The following PCDHAC1 variants were observed in gnomAD, a reference collection of about 807,000 sequenced individuals.
PCDHAC1 encodes the protein protocadherin alpha-C1.
A neutral mutation model predicts 60.0 loss-of-function variants in PCDHAC1; 42 were observed. That is an observed-to-expected ratio of 0.70 (90% CI 0.55 to 0.90). The LOEUF (loss-of-function observed/expected upper bound fraction) is 0.90, where lower values mean the gene tolerates loss of function less well. PCDHAC1 is among the 40% of genes least tolerant of loss of function. The pLI is 0.00. For synonymous variants in PCDHAC1, 468 were observed against 499.3 expected, an observed-to-expected ratio of 0.94 and a Z score of 0.84; for missense variants, 1,160 against 1,222.3, an observed-to-expected ratio of 0.95 and a Z score of 0.76.
chr5:140,973,199 G>A (rs574187280), intron 1 of PCDHAC1, among the ~76,000 whole-genome samples: 3 of 152,296 alleles, frequency 2.0e-5, no homozygotes, highest in East Asian at 3.9e-4. Context: ...CACTATGTGT[G>A]CATATTCACC....
chr5:140,941,304 CTTTT>C (rs2093021953), intron 1 of PCDHAC1, among the ~76,000 whole-genome samples: 1 of 84,848 alleles, frequency 1.2e-5, no homozygotes, highest in African/African-American at 4.2e-5. Context: ...TTCTTTCTTT[CTTTT>C]TCTTCTTTCT....
chr5:140,981,232 T>G (rs768766953), intron 2 of PCDHAC1, among the ~76,000 whole-genome samples: 32 of 152,216 alleles, frequency 2.1e-4, no homozygotes, highest in Non-Finnish European at 4.3e-4. Context: ...GTAGTCTAAA[T>G]TTTATTTTAG....
In PCDHAC1 at chr5:140,927,220, A is replaced by T. The variant is rs1554204179; in HGVS notation, c.328A>T (p.Ile110Phe). 1 of 1,614,090 alleles carries T rather than the reference A, an allele frequency of 6.2e-7. No homozygotes were observed. The highest frequency in any genetic ancestry group is 1.7e-5 in the Admixed American group (1 of 60,020). ...VLEDPLELHK[I>F]RIHVLDTNDN... is the part of the protein sequence containing the mutation. ...CGAGGACCCGCTGGAGCTGCACAAG[A>T]TTCGGATTCACGTCCTGGACACCAA... is the stretch of plus-strand genomic sequence containing the variant. The change falls in exon 1 of 4, where the codon ATT (isoleucine) becomes TTT (phenylalanine). Residue 110 changes from isoleucine (I) to phenylalanine (F), a missense_variant. Physicochemically the swap from Ile to Phe is conservative, Grantham distance 21. Around this residue, in one of 3 missense-constraint regions of PCDHAC1, gnomAD observed 1,113 missense variants for 1,163.7 expected, o/e 0.96. Coordinates refer to ENST00000253807, the MANE Select transcript of PCDHAC1 (RefSeq NM_018898.5).
chr5:140,962,080 T>A (rs1226617177), intron 1 of PCDHAC1, among the ~76,000 whole-genome samples: 1 of 151,756 alleles, frequency 6.6e-6, no homozygotes, highest in Non-Finnish European at 1.5e-5. Context: ...AGAGACGGGG[T>A]TTCACCATGT....
chr5:140,946,611 A>AATATATAGATATATATATATAT (rs2093974557), intron 1 of PCDHAC1, among the ~76,000 whole-genome samples: 1 of 86,814 alleles, frequency 1.2e-5, no homozygotes, highest in Non-Finnish European at 2.1e-5. Context: ...GAAAATGTGA[A>AATATATAGATATATATATATAT]ATATATATAT....
intron 2 of PCDHAC1, among the ~76,000 whole-genome samples, chr5:140,981,266 A>C (rs1355658823): frequency 6.6e-6 from 1 of 152,166 alleles, no homozygotes; most frequent in Non-Finnish European, 1.5e-5. Context: ...AAGATAAGCA[A>C]ATGTCTAGTT....
chr5:140,967,633 T>G, intron 1 of PCDHAC1: 2 of 1,614,106 alleles, frequency 1.2e-6, no homozygotes, highest in Non-Finnish European at 1.7e-6. Flanking sequence ...AGGGCTCCAA[T>G]GGTGAGCTCA....
At chr5:140,946,237 A>C (rs540442862) in intron 1 of PCDHAC1, among the ~76,000 whole-genome samples, 8 of 152,268 alleles carry the variant, frequency 5.3e-5, no homozygotes, top group African/African-American at 1.9e-4. Context: ...AAAAATGCTC[A>C]ACATCATGAA....
In PCDHAC1 at chr5:140,926,830, G is replaced by T. The variant is rs2083580756; in HGVS notation, c.-63G>T. The T allele has an allele frequency of 1.3e-6, 2 of 1,503,958 alleles. No individual in the cohort carries two copies. The highest frequency in any genetic ancestry group is 1.8e-6 in the Non-Finnish European group (2 of 1,127,670). 93.2% of individuals were successfully genotyped at this position (1,503,958 alleles called of 1,614,324 possible). A position where few individuals can be genotyped will look rare whatever the true frequency, so the allele number is the denominator to read the frequency against. On this transcript the variant is annotated 5_prime_UTR_variant, in exon 1 of 4. Transcript: ENST00000253807. ...GCGGCTCGTGCTCTCCAGGAGTCCG[G>T]AGCATGGTCCTGGGTCACCGTTGGT...
intron 1 of PCDHAC1, among the ~76,000 whole-genome samples, chr5:140,971,488 A>AG (rs1338536132): frequency 1.3e-5 from 2 of 152,222 alleles, no homozygotes; most frequent in African/African-American, 4.8e-5. Flanking sequence ...ACATTGTTAC[A>AG]GTGTGGCAAG....
intron 1 of PCDHAC1, chr5:140,966,805 T>C (rs1554228690): frequency 6.5e-7 from 1 of 1,545,566 alleles, no homozygotes; most frequent in South Asian, 1.2e-5. Flanking sequence ...CGACAGAGCA[T>C]CCACGGCTCC....
rs189687890 is a variant in PCDHAC1 at position 140,972,728 on chromosome 5, A to G, written c.2434-6221A>G. ...TGCCAGGCTGGAGTGCAGTGGCGTA[A>G]TCCCGGCTCACTGCAACCTCCGCCT... On this transcript the variant is annotated intron_variant, in intron 1 of 3. Transcript: ENST00000253807. Among the ~76,000 whole-genome samples the G allele has an allele frequency of 6.0e-3, 882 of 147,958 alleles. 8 individuals carry two copies. Among genetic ancestry groups the G allele is most frequent in the African/African-American group, 0.021 (847 of 39,742 alleles).
chr5:140,989,681 A>C (rs1428237884), intron 3 of PCDHAC1, among the ~76,000 whole-genome samples: 1 of 152,250 alleles, frequency 6.6e-6, no homozygotes, highest in Non-Finnish European at 1.5e-5. Flanking sequence ...CAGATTTCAA[A>C]GGAACGTGAA....
At chr5:140,971,661 TAGAG>T (rs2096491377) in intron 1 of PCDHAC1, among the ~76,000 whole-genome samples, 1 of 152,064 alleles carries the variant, frequency 6.6e-6, no homozygotes, top group Non-Finnish European at 1.5e-5. Context: ...AGATGGGAAT[TAGAG>T]AGGAAGAGTA....
At chr5:140,982,273 A>G (rs1554243953) in intron 2 of PCDHAC1, 2 of 943,086 alleles carry the variant, frequency 2.1e-6, no homozygotes, top group Non-Finnish European at 3.0e-6. Context: ...CTGGAATAGT[A>G]TAGCAGGCAA....
At chr5:140,954,938 GT>G (rs2095112203) in intron 1 of PCDHAC1, among the ~76,000 whole-genome samples, 1 of 152,078 alleles carries the variant, frequency 6.6e-6, no homozygotes, top group Admixed American at 6.6e-5. Flanking sequence ...TTAATCTTGA[GT>G]TAATTTTTGT....
chr5:140,938,443 A>C (rs1324427427), intron 1 of PCDHAC1, among the ~76,000 whole-genome samples: 1 of 152,180 alleles, frequency 6.6e-6, no homozygotes, highest in African/African-American at 2.4e-5. Context: ...AGATTTATTA[A>C]GTTCCCTTTG....
At chr5:140,979,051 G>C in intron 2 of PCDHAC1, 44 bp downstream of exon 2, 1 of 1,609,534 alleles carries the variant, frequency 6.2e-7, no homozygotes, top group East Asian at 2.2e-5. Flanking sequence ...ACCTTAACTT[G>C]GTATGGCTCA....
intron 1 of PCDHAC1, among the ~76,000 whole-genome samples, chr5:140,932,462 A>G (rs549858141): frequency 6.6e-6 from 1 of 152,022 alleles, no homozygotes; most frequent in African/African-American, 2.4e-5. Flanking sequence ...GCCAGGGTAT[A>G]TAGGAAATAG....
Sources: gnomAD v4.1 joint callset for allele counts (sites outside exome capture counted in the v4.1 genomes callset) on GRCh38, gnomAD v4.1.1 for gene constraint, gnomAD v4.1.1 regional missense constraint, MANE v1.5 for transcripts, NCBI Gene and HGNC (gene_info 2026-07-23, HGNC 2026-07-21) for gene names.